NMNAT2: variants seen among roughly 807,000 people sequenced by gnomAD.
NMNAT2 encodes the protein nicotinamide/nicotinic acid mononucleotide adenylyltransferase 2.
In NMNAT2, 11 loss-of-function variants were observed where a neutral mutation model predicts 41.6. That is an observed-to-expected ratio of 0.26 (90% CI 0.17 to 0.44). NMNAT2 has a LOEUF of 0.44. Among genes scored for constraint, NMNAT2 ranks in the 20% least tolerant of loss-of-function variants. The pLI, the probability that NMNAT2 is intolerant of heterozygous loss-of-function variation, is 1.00. For synonymous variants in NMNAT2, 148 were observed against 151.2 expected (o/e 0.98, Z 0.16); for missense variants, 288 against 407.7 (o/e 0.71, Z 2.53).
chr1:183,367,188 G>A (rs948667739), intron 1 of NMNAT2, among the ~76,000 whole-genome samples: 2 of 152,208 alleles, frequency 1.3e-5, no homozygotes, highest in East Asian at 1.9e-4. Context: ...GCCGGGAGTG[G>A]TGGCTCAGGC....
chr1:183,388,680 C>T (rs1020432683), intron 1 of NMNAT2, among the ~76,000 whole-genome samples: 7 of 152,216 alleles, frequency 4.6e-5, no homozygotes, highest in Non-Finnish European at 1.0e-4. Context: ...TCTACTCCAA[C>T]ACTTTTAAAA....
intron 7 of NMNAT2, 122 bp downstream of exon 7, chr1:183,283,873 G>A (rs267598226): frequency 1.1e-6 from 1 of 905,170 alleles, no homozygotes; most frequent in Non-Finnish European, 1.8e-6. Context: ...CCTCTTCCGA[G>A]AGGAGACCCT....
chr1:183,280,892 TCTC>T (rs1418091675), intron 7 of NMNAT2, among the ~76,000 whole-genome samples: 1 of 148,028 alleles, frequency 6.8e-6, no homozygotes, highest in Non-Finnish European at 1.5e-5. Flanking sequence ...TTCAAGCAAT[TCTC>T]CTGCCTCAGC....
Position 183,418,199 on chromosome 1 carries a change from C to T in NMNAT2, c.69G>A (p.Gly23=), listed in dbSNP as rs1308179131. The stretch of plus-strand genomic sequence containing the variant: ...AGGACTCACCAAACATCTGAATGTG[C>T]CCTTTGGTGATGGGATTGAAGCTGC... ...ACGSFNPITK[G]HIQMFERARD... Residue 23 remains glycine, a synonymous_variant, in exon 1 of 11, where the codon GGG becomes GGA. Transcript: ENST00000287713. 3.7e-6 allele frequency: 6 copies of T among 1,613,908 alleles called. No individual in the cohort carries two copies. Among genetic ancestry groups the T allele is most frequent in the Non-Finnish European group, 3.4e-6 (4 of 1,179,932 alleles).
At chr1:183,416,095 C>G (rs1649243573) in intron 1 of NMNAT2, among the ~76,000 whole-genome samples, 1 of 152,234 alleles carries the variant, frequency 6.6e-6, no homozygotes, top group African/African-American at 2.4e-5. Context: ...TCTATTTCCA[C>G]ATAGTCTATC....
intron 10 of NMNAT2, among the ~76,000 whole-genome samples, chr1:183,258,520 A>T (rs1660574843): frequency 6.6e-6 from 1 of 152,214 alleles, no homozygotes; most frequent in Non-Finnish European, 1.5e-5. Flanking sequence ...GTTTGGGAGA[A>T]ACTTAGTTTA....
rs1660392892 is a variant in NMNAT2, at chr1:183,251,905, G to A, written c.*736C>T. ...TACTGCTATATGTGTGTGTGTATGT[G>A]CGTGCGCGGGTGCACACGCATGTGT... is the stretch of plus-strand genomic sequence containing the variant. On this transcript the variant is annotated 3_prime_UTR_variant, in exon 11 of 11. Transcript: ENST00000287713. The A allele has an allele frequency of 6.3e-6, 1 of 158,340 alleles. No homozygotes were observed. The highest frequency in any genetic ancestry group is 2.4e-5 in the African/African-American group (1 of 41,456). The allele number at this position is 158,340 out of a possible 1,614,324, so 9.8% of individuals were successfully genotyped here.
chr1:183,282,728 G>C (rs1303543480), intron 7 of NMNAT2: 3 of 152,156 alleles, frequency 2.0e-5, no homozygotes, highest in Admixed American at 2.0e-4. Context: ...TCTGGGTCTG[G>C]AGAACCTAGA....
chr1:183,324,532 A>G (rs2102332788), intron 1 of NMNAT2, among the ~76,000 whole-genome samples: 1 of 152,152 alleles, frequency 6.6e-6, no homozygotes, highest in South Asian at 2.1e-4. Flanking sequence ...GGCCTCTACC[A>G]TTTTCACCAT....
chr1:183,354,157 T>C (rs1571615747), intron 1 of NMNAT2, among the ~76,000 whole-genome samples: 1 of 152,188 alleles, frequency 6.6e-6, no homozygotes, highest in Non-Finnish European at 1.5e-5. Flanking sequence ...GCCAGAGCCT[T>C]GCCCTTATCT....
rs1660416051 is a variant in NMNAT2, at chr1:183,252,511, C to G, written c.*130G>C. On this transcript the variant is annotated 3_prime_UTR_variant, in exon 11 of 11. Coordinates refer to ENST00000287713, the MANE Select transcript of NMNAT2 (RefSeq NM_015039.4). The stretch of plus-strand genomic sequence containing the variant: ...CATGGTTCTCTGCAGGTCCCCCACA[C>G]TATGGGGGGTTAAGTCAGCAAGTAG... The G allele has an allele frequency of 1.3e-6, 1 of 749,238 alleles. No homozygotes were observed. The highest frequency in any genetic ancestry group is 1.7e-5 in the African/African-American group (1 of 58,500). The allele number at this position is 749,238 out of a possible 1,614,324, so 46.4% of individuals were successfully genotyped here. A position where few individuals can be genotyped will look rare whatever the true frequency, so the allele number is the denominator to read the frequency against.
At chr1:183,361,754 C>A (rs1374460689) in intron 1 of NMNAT2, among the ~76,000 whole-genome samples, 3 of 152,062 alleles carry the variant, frequency 2.0e-5, no homozygotes, top group Non-Finnish European at 2.9e-5. Context: ...TTATCAAGAA[C>A]CTCATTTCTG....
At position 183,293,781 on chromosome 1, in the gene NMNAT2, T is replaced by A. The variant is rs1384173495; in HGVS notation, c.98A>T (p.Asp33Val). The change falls in exon 2 of 11, where the codon GAT becomes GTT. Residue 33 changes from aspartate to valine, a missense_variant. Transcript: ENST00000287713. ...GHIQMFERARDYLHKTGRFIV... is the reference protein window; with the variant it reads ...GHIQMFERARVYLHKTGRFIV... Reference sequence around the variant, plus strand: ...AAACCTTCCAGTTTTGTGCAGATAATCCCTGGCTCTTTCTAATTAAGAGAA... The same window carrying A: ...AAACCTTCCAGTTTTGTGCAGATAAACCCTGGCTCTTTCTAATTAAGAGAA... The A allele has an allele frequency of 1.2e-6, 2 of 1,613,476 alleles. No individual in the cohort carries two copies.
intron 1 of NMNAT2, among the ~76,000 whole-genome samples, chr1:183,306,012 G>A (rs60404994): frequency 0.08 from 12,151 of 152,146 alleles, 532 homozygotes; most frequent in East Asian, 0.15. Context: ...GTGAGCCACC[G>A]CGCCCGGCCC....
chr1:183,328,009 G>A (rs939790519), intron 1 of NMNAT2, among the ~76,000 whole-genome samples: 2 of 152,116 alleles, frequency 1.3e-5, no homozygotes, highest in Non-Finnish European at 2.9e-5. Context: ...GCTCATCAAC[G>A]TCAGCTGCCC....
chr1:183,284,251 C>T (rs138800815), intron 6 of NMNAT2, among the ~76,000 whole-genome samples: 12 of 152,340 alleles, frequency 7.9e-5, no homozygotes, highest in Admixed American at 5.2e-4. Context: ...CAGCACTTCA[C>T]ATTGCTGGGA....
At chr1:183,417,401 C>A (rs1301355805) in intron 1 of NMNAT2, among the ~76,000 whole-genome samples, 1 of 152,148 alleles carries the variant, frequency 6.6e-6, no homozygotes, top group Non-Finnish European at 1.5e-5. Flanking sequence ...CTAGACGCCT[C>A]AAGCCTTCCG....
At chr1:183,342,083 G>GGA (rs1662831882) in intron 1 of NMNAT2, among the ~76,000 whole-genome samples, 1 of 144,678 alleles carries the variant, frequency 6.9e-6, no homozygotes, top group Admixed American at 7.1e-5. Context: ...CACTGCCCCT[G>GGA]CTGAGGCCCA....
At chr1:183,357,219 C>CTTTTT (rs11343113) in intron 1 of NMNAT2, among the ~76,000 whole-genome samples, 11 of 71,606 alleles carry the variant, frequency 1.5e-4, no homozygotes, top group Non-Finnish European at 1.6e-4. Flanking sequence ...ACATCAAATT[C>CTTTTT]TTTTTTTTTT....
Sources: allele counts gnomAD v4.1 joint callset (sites outside exome capture counted in the v4.1 genomes callset), GRCh38; gene constraint gnomAD v4.1.1; transcripts MANE v1.5; gene names NCBI Gene and HGNC (gene_info 2026-07-23, HGNC 2026-07-21).